The following CLTRN variants were observed in gnomAD, a reference collection of about 807,000 sequenced individuals.
The protein encoded by CLTRN is collectrin.
In CLTRN, 12 loss-of-function variants were observed where a neutral mutation model predicts 14.5. That is an observed-to-expected ratio of 0.83 (90% CI 0.53 to 1.34). The LOEUF (loss-of-function observed/expected upper bound fraction) is 1.34. CLTRN is among the 40% of genes most tolerant of loss of function. The probability of loss-of-function intolerance (pLI) is 0.00; values close to 1 mark genes in which losing one functional copy is unlikely to be tolerated. For synonymous variants in CLTRN, 58 were observed against 56.5 expected, an observed-to-expected ratio of 1.03 and a Z score of -0.12; for missense variants, 154 against 165.1, an observed-to-expected ratio of 0.93 and a Z score of 0.37.
rs200118112 is a variant in CLTRN at position 15,634,942 on chromosome X, AAAATAAATAAAT to A, written c.512+4608_512+4619del. ...AAAACTTAAATTATAATAATAATAA[AAAATAAATAAAT>A]AAATAAATAAATAAAAGAAAAAAAA... On this transcript the variant is annotated intron_variant, in intron 5 of 5. Coordinates refer to ENST00000380342, the MANE Select transcript of CLTRN (RefSeq NM_020665.6). Among the ~76,000 whole-genome samples, 6 of 107,239 alleles carry A rather than the reference AAAATAAATAAAT, an allele frequency of 5.6e-5. No homozygotes were observed. In the South Asian group the frequency reaches 2.4e-3, roughly 43 times the overall value. 93.1% of individuals were successfully genotyped at this position (107,239 alleles called of 115,157 possible).
upstream of CLTRN, among the ~76,000 whole-genome samples, chrX:15,665,268 C>T (rs551899211): frequency 1.8e-5 from 2 of 112,181 alleles, no homozygotes; most frequent in Admixed American, 1.9e-4. Flanking sequence ...CCTCACCTGA[C>T]TCTCACCACA....
At chrX:15,628,274 A>G (rs935589475) in intron 5 of CLTRN, 147 bp from the exon 6 acceptor site, 33 of 394,559 alleles carry the variant, frequency 8.4e-5, no homozygotes, top group Non-Finnish European at 1.2e-4. Flanking sequence ...TAATTTTCAA[A>G]CGAATTTCAA....
rs1305746103 is a variant in CLTRN at position 15,664,744 on chromosome X, G to A, written c.32C>T (p.Ala11Val). The change falls in exon 1 of 6, where the codon GCC becomes GTC. Residue 11 changes from alanine (A) to valine (V), a missense_variant. Ala to Val is a moderately conservative substitution (Grantham distance 64). Coordinates refer to ENST00000380342, the MANE Select transcript of CLTRN (RefSeq NM_020665.6). MLWLLFFLVT[A>V]IHAELCQPGA... ...TGGTTGACAGAGTTCAGCATGAATG[G>A]CAGTCACCAGAAAAAAGAGCAGCCA... 1.7e-6 allele frequency: 2 copies of A among 1,209,078 alleles called. No homozygotes were observed. The highest frequency in any genetic ancestry group is 2.2e-6 in the Non-Finnish European group (2 of 893,747).
chrX:15,653,254 T>A (rs897486696), intron 3 of CLTRN, among the ~76,000 whole-genome samples: 4 of 110,475 alleles, frequency 3.6e-5, no homozygotes, highest in Admixed American at 1.9e-4. Context: ...GGCAGGCCTC[T>A]CTACTTCAAG....
At chrX:15,662,311 C>T (rs959985779) in intron 2 of CLTRN, among the ~76,000 whole-genome samples, 1 of 110,951 alleles carries the variant, frequency 9.0e-6, no homozygotes, top group Non-Finnish European at 1.9e-5. Flanking sequence ...TACAACACTT[C>T]CTCCATAGAC....
chrX:15,663,115 C>T (rs918808402), intron 2 of CLTRN, among the ~76,000 whole-genome samples: 1 of 111,846 alleles, frequency 8.9e-6, no homozygotes, highest in Non-Finnish European at 1.9e-5. Flanking sequence ...TTGACAAAGC[C>T]GAAGTGCCCT....
At chrX:15,660,147 A>T (rs991762899) in intron 2 of CLTRN, among the ~76,000 whole-genome samples, 1 of 111,724 alleles carries the variant, frequency 9.0e-6, no homozygotes, top group Non-Finnish European at 1.9e-5. Flanking sequence ...ATGGGGAAAC[A>T]TATTTTACCG....
At chrX:15,637,133 A>G (rs1320564972) in intron 5 of CLTRN, among the ~76,000 whole-genome samples, 2 of 111,592 alleles carry the variant, frequency 1.8e-5, no homozygotes, top group Admixed American at 1.9e-4. Flanking sequence ...TGACTTAGAT[A>G]ATCCCATGGT....
intron 5 of CLTRN, 25 bp from the exon 6 acceptor site, chrX:15,628,152 T>C (rs780333832): frequency 3.9e-6 from 4 of 1,028,038 alleles, no homozygotes; most frequent in African/African-American, 3.9e-5. Context: ...AAAAGAGTGA[T>C]TGGCATCTAG....
chrX:15,638,723 C>T (rs888277866), intron 5 of CLTRN, among the ~76,000 whole-genome samples: 3 of 111,920 alleles, frequency 2.7e-5, no homozygotes, highest in African/African-American at 9.7e-5. Flanking sequence ...TCCTCTTCTT[C>T]TCCACTACCT....
intron 1 of CLTRN, among the ~76,000 whole-genome samples, chrX:15,673,599 G>A (rs1016631520): frequency 8.9e-6 from 1 of 112,411 alleles, no homozygotes; most frequent in African/African-American, 3.2e-5. Flanking sequence ...CAGAGCCAGG[G>A]TGAGCTTAAT....
upstream of CLTRN, among the ~76,000 whole-genome samples, chrX:15,666,888 TTGTAACAAAGCA>T (rs1322164071): frequency 2.7e-5 from 3 of 112,376 alleles, no homozygotes; most frequent in Non-Finnish European, 3.8e-5. Context: ...CACATAGAGA[TTGTAACAAAGCA>T]TTTTACTTAC....
intron 5 of CLTRN, among the ~76,000 whole-genome samples, chrX:15,634,971 G>GA (rs1017266037): frequency 1.9e-5 from 2 of 102,829 alleles, no homozygotes; most frequent in African/African-American, 3.8e-5. Flanking sequence ...ATAAATAAAA[G>GA]AAAAAAAATC....
At chrX:15,671,856 A>G (rs978848237) in intron 1 of CLTRN, among the ~76,000 whole-genome samples, 52 of 86,607 alleles carry the variant, frequency 6.0e-4, no homozygotes, top group South Asian at 1.4e-3. Context: ...ACACACACAC[A>G]CACACACACA....
At chrX:15,647,150 G>A (rs941252909) in intron 3 of CLTRN, among the ~76,000 whole-genome samples, 8 of 111,478 alleles carry the variant, frequency 7.2e-5, no homozygotes, top group East Asian at 2.9e-4. Flanking sequence ...CCTGCTGCCC[G>A]GCTCCAAGAG....
intron 5 of CLTRN, among the ~76,000 whole-genome samples, chrX:15,632,618 G>A (rs1928721943): frequency 9.1e-6 from 1 of 110,304 alleles, no homozygotes; most frequent in African/African-American, 3.3e-5. Flanking sequence ...GAGGCTGGGT[G>A]TGGTGGCTCG....
chrX:15,643,937 A>G (rs912911563), intron 4 of CLTRN, among the ~76,000 whole-genome samples: 1 of 111,790 alleles, frequency 8.9e-6, no homozygotes, highest in Non-Finnish European at 1.9e-5. Flanking sequence ...GTTCTAGTTT[A>G]TTTCCTGAGC....
upstream of CLTRN, among the ~76,000 whole-genome samples, chrX:15,669,567 T>G (rs1339743521): frequency 8.9e-6 from 1 of 112,068 alleles, no homozygotes; most frequent in Non-Finnish European, 1.9e-5. Context: ...AAAAGCACTT[T>G]CTGGGCACAT....
At chrX:15,652,078 T>C (rs1250650704) in intron 3 of CLTRN, among the ~76,000 whole-genome samples, 1 of 112,361 alleles carries the variant, frequency 8.9e-6, no homozygotes, top group Non-Finnish European at 1.9e-5. Flanking sequence ...CATAGTTCTG[T>C]AATTTATGTA....
Sources: gnomAD v4.1 joint callset for allele counts (sites outside exome capture counted in the v4.1 genomes callset) on GRCh38, gnomAD v4.1.1 for gene constraint, MANE v1.5 for transcripts, NCBI Gene and HGNC (gene_info 2026-07-23, HGNC 2026-07-21) for gene names.